Variants in ZFAND3 observed in about 807,000 individuals in gnomAD.
ZFAND3 encodes AN1-type zinc finger protein 3.
A neutral mutation model predicts 29.6 loss-of-function variants in ZFAND3; 10 were observed. The ratio of observed to expected loss-of-function variants is 0.34; its 90% CI spans 0.21 to 0.57. The LOEUF is 0.57. Ranked by LOEUF, ZFAND3 falls within the 20% of genes least tolerant of loss-of-function variation. The pLI, the probability that ZFAND3 is intolerant of heterozygous loss-of-function variation, is 0.86. For synonymous variants in ZFAND3, 128 were observed against 112.6 expected (o/e 1.14, Z -0.87); for missense variants, 230 against 304.5 (o/e 0.76, Z 1.82).
chr6:38,032,448 C>T (rs940869449), intron 2 of ZFAND3, among the ~76,000 whole-genome samples: 1 of 152,118 alleles, frequency 6.6e-6, no homozygotes, highest in African/African-American at 2.4e-5. Flanking sequence ...GAACTCTGCT[C>T]AGTGGTCATG....
intron 1 of ZFAND3, among the ~76,000 whole-genome samples, chr6:37,821,782 A>G (rs917158144): frequency 2.6e-5 from 4 of 152,220 alleles, no homozygotes; most frequent in African/African-American, 7.2e-5. Flanking sequence ...CTTTATCGAA[A>G]GACTTATATC....
chr6:38,079,119 A>G (rs1188885015), intron 3 of ZFAND3, among the ~76,000 whole-genome samples: 1 of 152,180 alleles, frequency 6.6e-6, no homozygotes, highest in Non-Finnish European at 1.5e-5. Context: ...CAATTAGTGT[A>G]GAATATATGT....
At chr6:38,001,911 TC>T (rs1265335902) in intron 2 of ZFAND3, among the ~76,000 whole-genome samples, 1 of 151,932 alleles carries the variant, frequency 6.6e-6, no homozygotes, top group East Asian at 2.0e-4. Flanking sequence ...TGTCTTTTAG[TC>T]TTTTCTTTTA....
chr6:38,007,945 G>A (rs980547768), intron 2 of ZFAND3, among the ~76,000 whole-genome samples: 3 of 152,204 alleles, frequency 2.0e-5, no homozygotes, highest in African/African-American at 4.8e-5. Flanking sequence ...GTTACCCAAA[G>A]TCTGATCCAG....
intron 2 of ZFAND3, among the ~76,000 whole-genome samples, chr6:37,988,903 TA>T (rs1485438531): frequency 6.6e-6 from 1 of 152,116 alleles, no homozygotes; most frequent in Non-Finnish European, 1.5e-5. Flanking sequence ...CACAAATATT[TA>T]GCTGAATTTT....
intron 1 of ZFAND3, among the ~76,000 whole-genome samples, chr6:37,913,705 A>ATTTTTTTTTTTTTT (rs1581756231): frequency 4.5e-5 from 5 of 111,644 alleles, no homozygotes; most frequent in Admixed American, 8.7e-5. Context: ...TGGCAGCTAT[A>ATTTTTTTTTTTTTT]TTCTTTTTTT....
intron 1 of ZFAND3, among the ~76,000 whole-genome samples, chr6:37,835,464 G>GTTTTTT (rs373349669): frequency 7.3e-6 from 1 of 137,156 alleles, no homozygotes; most frequent in Non-Finnish European, 1.6e-5. Context: ...GCCTGTAAGA[G>GTTTTTT]TTTTTTTTTT....
chr6:37,969,115 CAGTGTTA>C (rs973279897), intron 2 of ZFAND3, among the ~76,000 whole-genome samples: 1 of 152,150 alleles, frequency 6.6e-6, no homozygotes, highest in African/African-American at 2.4e-5. Flanking sequence ...ATTTGAAACA[CAGTGTTA>C]AGTGTTTGTG....
intron 5 of ZFAND3, among the ~76,000 whole-genome samples, chr6:38,148,478 T>A (rs1766154045): frequency 6.6e-6 from 1 of 152,200 alleles, no homozygotes; most frequent in Non-Finnish European, 1.5e-5. Flanking sequence ...AGAAATGAGG[T>A]AGAGGAAGTG....
At chr6:37,999,922 C>T (rs1762915262) in intron 2 of ZFAND3, among the ~76,000 whole-genome samples, 2 of 152,054 alleles carry the variant, frequency 1.3e-5, no homozygotes, top group Admixed American at 1.3e-4. Flanking sequence ...GAGAAATTGG[C>T]TCCTGAGTAT....
At chr6:38,058,285 C>T (rs1026487665) in intron 2 of ZFAND3, among the ~76,000 whole-genome samples, 3 of 152,094 alleles carry the variant, frequency 2.0e-5, no homozygotes, top group African/African-American at 7.2e-5. Context: ...CTTTCAGGAT[C>T]ATATAACATT....
chr6:38,086,485 CAG>C (rs917753350), intron 4 of ZFAND3, among the ~76,000 whole-genome samples: 3 of 152,180 alleles, frequency 2.0e-5, no homozygotes, highest in African/African-American at 7.2e-5. Flanking sequence ...GATTACTAGA[CAG>C]AGTTTACATT....
chr6:38,136,447 G>C (rs1765843556), intron 5 of ZFAND3, among the ~76,000 whole-genome samples: 1 of 152,188 alleles, frequency 6.6e-6, no homozygotes, highest in South Asian at 2.1e-4. Context: ...TTCCATAGAA[G>C]ACAGATCTTT....
At chr6:37,960,541 C>T (rs1444913178) in intron 2 of ZFAND3, among the ~76,000 whole-genome samples, 1 of 152,180 alleles carries the variant, frequency 6.6e-6, no homozygotes, top group East Asian at 1.9e-4. Context: ...CCTCTTAGCA[C>T]GTACACATTC....
intron 2 of ZFAND3, among the ~76,000 whole-genome samples, chr6:38,020,992 T>C (rs957341198): frequency 8.5e-5 from 13 of 152,228 alleles, no homozygotes; most frequent in Non-Finnish European, 2.9e-5. Flanking sequence ...AATTTATTAG[T>C]GTTTTATACT....
intron 2 of ZFAND3, among the ~76,000 whole-genome samples, chr6:37,974,861 G>T (rs1175439540): frequency 6.6e-6 from 1 of 152,084 alleles, no homozygotes; most frequent in Non-Finnish European, 1.5e-5. Flanking sequence ...TGGACATTTG[G>T]TGGCTTTGAG....
chr6:37,837,897 T>C (rs1763999036), intron 1 of ZFAND3, among the ~76,000 whole-genome samples: 1 of 152,242 alleles, frequency 6.6e-6, no homozygotes, highest in Non-Finnish European at 1.5e-5. Flanking sequence ...TTTAAAATTA[T>C]ATTGATACAA....
At chr6:38,026,452 C>CA (rs1763451438) in intron 2 of ZFAND3, among the ~76,000 whole-genome samples, 2 of 91,262 alleles carry the variant, frequency 2.2e-5, no homozygotes, top group Non-Finnish European at 3.9e-5. Flanking sequence ...TTTTTTGAGA[C>CA]AAGAGTCTCA....
chr6:37,909,588 A>G (rs1239539064), intron 1 of ZFAND3, among the ~76,000 whole-genome samples: 2 of 118,714 alleles, frequency 1.7e-5, no homozygotes. Flanking sequence ...GCCTAGGTTT[A>G]TTTCTGAATG....
Sources: allele counts gnomAD v4.1 joint callset (sites outside exome capture counted in the v4.1 genomes callset), GRCh38; gene constraint gnomAD v4.1.1; transcripts MANE v1.5; gene names NCBI Gene and HGNC (gene_info 2026-07-23, HGNC 2026-07-21).